The following RYR2 variants were observed in gnomAD, a reference collection of about 807,000 sequenced individuals.
RYR2 encodes ryanodine receptor 2.
RYR2 carries 227 observed loss-of-function variants against 601.1 expected under a neutral mutation model. That is an observed-to-expected ratio of 0.38 (90% confidence interval 0.34 to 0.42). The LOEUF is 0.42. Ranked by LOEUF, RYR2 falls within the 10% of genes least tolerant of loss-of-function variation. RYR2 has a pLI of 1.00. For synonymous variants in RYR2, 2,223 were observed against 2,175.1 expected (o/e 1.02, Z -0.61); for missense variants, 4,646 against 6,156.5 (o/e 0.75, Z 8.21).
At chr1:237,170,629 T>C (rs1484217461) in intron 1 of RYR2, among the ~76,000 whole-genome samples, 4 of 152,244 alleles carry the variant, frequency 2.6e-5, no homozygotes, top group African/African-American at 9.6e-5. Context: ...TTTGTTAAAG[T>C]GCCTCATGAG....
At chr1:237,393,871 A>G (rs1228526298) in intron 10 of RYR2, among the ~76,000 whole-genome samples, 1 of 152,202 alleles carries the variant, frequency 6.6e-6, no homozygotes, top group African/African-American at 2.4e-5. Context: ...CGCACTCTCA[A>G]GGCAAGGACT....
intron 1 of RYR2, among the ~76,000 whole-genome samples, chr1:237,060,164 A>T (rs1396681730): frequency 6.6e-6 from 1 of 152,166 alleles, no homozygotes; most frequent in Non-Finnish European, 1.5e-5. Flanking sequence ...AAGCTCTCAT[A>T]TTTGTATCCA....
chr1:237,521,061 T>C (rs1667033777), intron 24 of RYR2, among the ~76,000 whole-genome samples: 2 of 151,956 alleles, frequency 1.3e-5, no homozygotes, highest in East Asian at 1.9e-4. Flanking sequence ...GAATCAGTAA[T>C]AAAAATTGTC....
intron 1 of RYR2, among the ~76,000 whole-genome samples, chr1:237,168,698 C>T (rs1277684415): frequency 1.7e-5 from 1 of 58,934 alleles, no homozygotes; most frequent in Non-Finnish European, 4.1e-5. Flanking sequence ...TTTCTCTGTT[C>T]TTGCTAAATG....
intron 26 of RYR2, 38 bp downstream of exon 26, chr1:237,548,628 A>G: frequency 6.2e-7 from 1 of 1,601,782 alleles, no homozygotes; most frequent in Non-Finnish European, 8.5e-7. Context: ...GACTTACTTA[A>G]GTGGGAATTA....
chr1:237,127,450 G>C (rs1227878997), intron 1 of RYR2, among the ~76,000 whole-genome samples: 7 of 151,338 alleles, frequency 4.6e-5, no homozygotes, highest in Non-Finnish European at 1.5e-5. Flanking sequence ...GGGGGCGGCT[G>C]GCCGGGCAGG....
chr1:237,042,624 C>G, intron 1 of RYR2, 55 bp downstream of exon 1: 1 of 1,246,168 alleles, frequency 8.0e-7, no homozygotes, highest in Non-Finnish European at 1.0e-6. Context: ...AGGGCATCCA[C>G]TAGCGGGGTC....
intron 29 of RYR2, among the ~76,000 whole-genome samples, chr1:237,587,008 C>T (rs1674602267): frequency 6.6e-6 from 1 of 152,150 alleles, no homozygotes; most frequent in African/African-American, 2.4e-5. Flanking sequence ...TGTCACTGGG[C>T]CCAGCCAGTA....
At chr1:237,168,231 A>C (rs1486928421) in intron 1 of RYR2, among the ~76,000 whole-genome samples, 1 of 152,078 alleles carries the variant, frequency 6.6e-6, no homozygotes, top group Non-Finnish European at 1.5e-5. Context: ...TGTCCTTCTT[A>C]GATTCCTGGG....
chr1:237,773,466 A>G, intron 86 of RYR2, 54 bp from the exon 87 acceptor site: 1 of 1,367,710 alleles, frequency 7.3e-7, no homozygotes. Context: ...TGGTTAGTCA[A>G]TGGTAACTTT....
At chr1:237,230,176 A>G (rs1684827667) in intron 1 of RYR2, among the ~76,000 whole-genome samples, 1 of 152,224 alleles carries the variant, frequency 6.6e-6, no homozygotes, top group African/African-American at 2.4e-5. Flanking sequence ...ACAACCAACT[A>G]ACAAAAGAAA....
chr1:237,584,107 AG>A (rs1264949266), intron 29 of RYR2, among the ~76,000 whole-genome samples: 1 of 152,206 alleles, frequency 6.6e-6, no homozygotes, highest in Non-Finnish European at 1.5e-5. Context: ...GTGTCAATTA[AG>A]GTAACTGGAT....
chr1:237,389,692 G>A (rs190994024), intron 10 of RYR2, among the ~76,000 whole-genome samples: 83 of 152,272 alleles, frequency 5.5e-4, no homozygotes, highest in African/African-American at 2.0e-3. Context: ...GGGGAAGACA[G>A]CTGGAGCTAA....
chr1:237,378,232 G>A (rs531761668), intron 8 of RYR2, among the ~76,000 whole-genome samples: 9 of 152,264 alleles, frequency 5.9e-5, no homozygotes, highest in South Asian at 2.1e-4. Context: ...ACCTCCCACC[G>A]GGTCCCTCCC....
intron 1 of RYR2, among the ~76,000 whole-genome samples, chr1:237,126,988 T>C (rs1671507667): frequency 6.6e-6 from 1 of 151,774 alleles, no homozygotes. Context: ...TGATGACTCT[T>C]AACGAGCATG....
Position 237,566,640 on chromosome 1 carries a change from G to A in RYR2, c.3288G>A (p.Val1096=). 6.2e-7 allele frequency: 1 copy of A among 1,614,004 alleles called. No homozygotes were observed. The highest frequency in any genetic ancestry group is 1.1e-5 in the South Asian group (1 of 91,084). The stretch of plus-strand genomic sequence containing the variant: ...TCCGTGCCGAGAAGACCTATGCAGT[G>A]AAGGCCGGACGGTGGTATTTTGAAT... ...RIFRAEKTYA[V]KAGRWYFEFE... Residue 1096 remains valine, a synonymous_variant, in exon 28 of 105, where the codon GTG becomes GTA. Coordinates refer to ENST00000366574, the MANE Select transcript of RYR2 (RefSeq NM_001035.3).
Position 237,500,969 on chromosome 1 carries a change from G to A in RYR2, c.2396+66G>A. On this transcript the variant is annotated intron_variant, in intron 21 of 104. Coordinates refer to ENST00000366574, the MANE Select transcript of RYR2 (RefSeq NM_001035.3). ...TTCTCATACCTCCACAGAAGACTCT[G>A]CACTGCCATTGCCCTTCTTCTCTAA... The A allele has an allele frequency of 2.8e-6, 4 of 1,407,902 alleles. No homozygotes were observed. The South Asian group carries it at 4.6e-5, about 16-fold the overall frequency. 87.2% of individuals were successfully genotyped at this position (1,407,902 alleles called of 1,614,324 possible).
chr1:237,529,947 G>T (rs905089200), intron 24 of RYR2, among the ~76,000 whole-genome samples: 4 of 152,100 alleles, frequency 2.6e-5, no homozygotes, highest in African/African-American at 9.7e-5. Flanking sequence ...TGCCATTTCA[G>T]TTCGCAGTGT....
At position 237,717,272 on chromosome 1, in the gene RYR2, T is replaced by G. The variant is rs549648547; in HGVS notation, c.10398T>G (p.Ile3466Met). 6.2e-7 allele frequency: 1 copy of G among 1,613,780 alleles called. No individual in the cohort carries two copies. Among genetic ancestry groups the G allele is most frequent in the East Asian group, 2.2e-5 (1 of 44,870 alleles). The change falls in exon 72 of 105, where the codon ATT becomes ATG. Residue 3466 changes from isoleucine (I) to methionine (M), a missense_variant. Around this residue, in one of 17 missense-constraint regions of RYR2, gnomAD observed 1,497 missense variants for 1,842.6 expected, o/e 0.81. Coordinates refer to ENST00000366574, the MANE Select transcript of RYR2 (RefSeq NM_001035.3). Reference sequence around the variant, plus strand: ...GGTATTCCATGCAGACCTCTCTGATTGTAGCAGCTCTGAAGCGGTTACTGC... The same window carrying G: ...GGTATTCCATGCAGACCTCTCTGATGGTAGCAGCTCTGAAGCGGTTACTGC... ...GDRYSMQTSLIVAALKRLLPI... is the reference protein window; with the variant it reads ...GDRYSMQTSLMVAALKRLLPI...
Sources: gnomAD v4.1 joint callset for allele counts (sites outside exome capture counted in the v4.1 genomes callset) on GRCh38, gnomAD v4.1.1 for gene constraint, gnomAD v4.1.1 regional missense constraint, MANE v1.5 for transcripts, NCBI Gene and HGNC (gene_info 2026-07-23, HGNC 2026-07-21) for gene names.